ARB2A: variants seen among roughly 807,000 people sequenced by gnomAD.
The protein encoded by ARB2A is cotranscriptional regulator ARB2A.
At chr5:93,940,191 C>T in the ARB2A span, among the ~76,000 whole-genome samples, 2 of 152,068 alleles carry the variant, frequency 1.3e-5, no homozygotes, top group African/African-American at 4.8e-5. Flanking sequence ...GTTATATTTA[C>T]ATTTGGAGTA....
the ARB2A span, among the ~76,000 whole-genome samples, chr5:93,689,703 T>C: frequency 1.3e-5 from 2 of 152,158 alleles, no homozygotes; most frequent in African/African-American, 2.4e-5. Context: ...CTCTCTTTTT[T>C]TTTTTTGAGA....
the ARB2A span, among the ~76,000 whole-genome samples, chr5:93,725,151 A>G: frequency 6.6e-6 from 1 of 152,038 alleles, no homozygotes; most frequent in Non-Finnish European, 1.5e-5. Context: ...ACTGTAAGTA[A>G]CTGAACCTGT....
the ARB2A span, among the ~76,000 whole-genome samples, chr5:93,887,333 A>G: frequency 6.6e-6 from 1 of 151,678 alleles, no homozygotes; most frequent in Non-Finnish European, 1.5e-5. Flanking sequence ...CTTCAAATAG[A>G]GAATAGAAGA....
the ARB2A span, chr5:93,865,376 A>G: frequency 1.7e-5 from 17 of 985,218 alleles, no homozygotes; most frequent in South Asian, 4.7e-5. Flanking sequence ...CACCGCGCCC[A>G]GCCGATCCTG....
chr5:93,792,358 T>C, the ARB2A span, among the ~76,000 whole-genome samples: 1 of 152,008 alleles, frequency 6.6e-6, no homozygotes, highest in South Asian at 2.1e-4. Flanking sequence ...GAAGAAGACA[T>C]TGAAATGGTG....
the ARB2A span, chr5:93,860,594 G>T: frequency 6.6e-6 from 1 of 151,228 alleles, no homozygotes; most frequent in African/African-American, 2.4e-5. Flanking sequence ...GAAAGACAGG[G>T]AGAAGGATGT....
At chr5:94,027,504 ACTGGGT>A in the ARB2A span, among the ~76,000 whole-genome samples, 1 of 152,178 alleles carries the variant, frequency 6.6e-6, no homozygotes, top group Non-Finnish European at 1.5e-5. Context: ...AAAAGGAAGG[ACTGGGT>A]CTGGAGAACT....
chr5:93,755,757 C>A, the ARB2A span, among the ~76,000 whole-genome samples: 1 of 152,210 alleles, frequency 6.6e-6, no homozygotes, highest in Admixed American at 6.5e-5. Context: ...GCAGGCCATT[C>A]CTGCCTGGCA....
At chr5:93,778,876 C>CT in the ARB2A span, among the ~76,000 whole-genome samples, 1 of 152,186 alleles carries the variant, frequency 6.6e-6, no homozygotes, top group African/African-American at 2.4e-5. Flanking sequence ...TTGCTCAGCT[C>CT]ACCTTTAACT....
the ARB2A span, among the ~76,000 whole-genome samples, chr5:94,024,227 G>C: frequency 6.6e-6 from 1 of 152,072 alleles, no homozygotes; most frequent in Non-Finnish European, 1.5e-5. Context: ...GTTTTTTTGA[G>C]TCAAGCAGAT....
the ARB2A span, among the ~76,000 whole-genome samples, chr5:94,064,755 TGAA>T: frequency 6.6e-6 from 1 of 152,208 alleles, no homozygotes; most frequent in South Asian, 2.1e-4. Flanking sequence ...CCTTCATAAG[TGAA>T]GAAGAAATGA....
At chr5:93,947,360 C>T in the ARB2A span, among the ~76,000 whole-genome samples, 1 of 152,060 alleles carries the variant, frequency 6.6e-6, no homozygotes, top group African/African-American at 2.4e-5. Flanking sequence ...TCCTATTTCC[C>T]AAGATAAGTT....
the ARB2A span, among the ~76,000 whole-genome samples, chr5:93,688,839 T>C: frequency 6.6e-6 from 1 of 152,162 alleles, no homozygotes; most frequent in Non-Finnish European, 1.5e-5. Flanking sequence ...CAGGACCCAC[T>C]GAGTTTCCTA....
At chr5:94,012,037 G>A in the ARB2A span, among the ~76,000 whole-genome samples, 42 of 151,042 alleles carry the variant, frequency 2.8e-4, no homozygotes, top group African/African-American at 1.0e-3. Flanking sequence ...TGACAGCATA[G>A]TTAAGATAAC....
At chr5:93,667,239 C>T in the ARB2A span, among the ~76,000 whole-genome samples, 1 of 152,156 alleles carries the variant, frequency 6.6e-6, no homozygotes, top group Non-Finnish European at 1.5e-5. Flanking sequence ...GCTGAAACCT[C>T]CTTGTACCCT....
chr5:94,101,024 C>G, the ARB2A span, among the ~76,000 whole-genome samples: 1 of 151,798 alleles, frequency 6.6e-6, no homozygotes, highest in African/African-American at 2.4e-5. Context: ...GAAAAAAAAT[C>G]TGTCTTAATC....
chr5:93,792,050 T>A, the ARB2A span, among the ~76,000 whole-genome samples: 1 of 151,878 alleles, frequency 6.6e-6, no homozygotes, highest in Non-Finnish European at 1.5e-5. Flanking sequence ...AAGGCGACTG[T>A]TTGAAAAACT....
the ARB2A span, among the ~76,000 whole-genome samples, chr5:93,970,238 T>C: frequency 2.7e-3 from 418 of 152,146 alleles, 5 homozygotes; most frequent in Non-Finnish European, 3.7e-4. Context: ...ACATCACCAG[T>C]CATACCCATC....
the ARB2A span, chr5:93,741,661 G>T: frequency 7.2e-7 from 1 of 1,383,636 alleles, no homozygotes; most frequent in Non-Finnish European, 9.5e-7. Context: ...CCCAGTGGGC[G>T]GAGAAGGCGT....
Sources: allele counts gnomAD v4.1 joint callset (sites outside exome capture counted in the v4.1 genomes callset), GRCh38; gene constraint gnomAD v4.1.1; transcripts MANE v1.5; gene names NCBI Gene and HGNC (gene_info 2026-07-23, HGNC 2026-07-21).